HDAC2: variants seen among roughly 807,000 people sequenced by gnomAD.
The protein encoded by HDAC2 is YY1-associated factor 1.
Under a neutral mutation model 68.5 loss-of-function variants are expected in HDAC2, and 5 were observed. That is an observed-to-expected ratio of 0.07 (90% CI 0.04 to 0.15). HDAC2 has a LOEUF of 0.15. Among genes scored for constraint, HDAC2 ranks in the 10% least tolerant of loss-of-function variants. The pLI, the probability that HDAC2 is intolerant of heterozygous loss-of-function variation, is 1.00. For synonymous variants in HDAC2, 182 were observed against 191.3 expected, an observed-to-expected ratio of 0.95 and a Z score of 0.40; for missense variants, 291 against 600.8, an observed-to-expected ratio of 0.48 and a Z score of 5.39.
In HDAC2 at chr6:113,944,333, A is replaced by T. The variant is rs1440256628; in HGVS notation, c.1169T>A (p.Val390Asp). The stretch of plus-strand genomic sequence containing the variant: ...ATCTTCATCTCCACTGTCTTCATGA[A>T]CAGCATCTTCTGGAATAGCTTGCAT... Reference protein sequence around the residue: ...VQMQAIPEDAVHEDSGDEDGE... With the variant: ...VQMQAIPEDADHEDSGDEDGE... The change falls in exon 11 of 14, where the codon GTT becomes GAT. Residue 390 changes from valine to aspartate, a missense_variant. Coordinates refer to ENST00000519065, the MANE Select transcript of HDAC2 (RefSeq NM_001527.4). 1.2e-6 allele frequency: 2 copies of T among 1,613,130 alleles called. No homozygotes were observed. Among genetic ancestry groups the T allele is most frequent in the Non-Finnish European group, 1.7e-6 (2 of 1,179,100 alleles).
chr6:113,971,015 G>A lies in HDAC2; in HGVS notation c.-107C>T, dbSNP rs1042493518. Reference sequence around the variant, plus strand: ...GAGAAAAGGGCTGAGGGAAACGTGGGGGCGATAGTCCCGCGGGGAAGGGCA... The same window carrying A: ...GAGAAAAGGGCTGAGGGAAACGTGGAGGCGATAGTCCCGCGGGGAAGGGCA... On this transcript the variant is annotated 5_prime_UTR_variant, in exon 1 of 14. Coordinates refer to ENST00000519065, the MANE Select transcript of HDAC2 (RefSeq NM_001527.4). 3 of 1,577,178 alleles carry A rather than the reference G, an allele frequency of 1.9e-6. No individual in the cohort carries two copies. Among genetic ancestry groups the A allele is most frequent in the Non-Finnish European group, 2.6e-6 (3 of 1,160,946 alleles).
chr6:113,965,033 C>A (rs1372122971), intron 1 of HDAC2, among the ~76,000 whole-genome samples: 1 of 152,202 alleles, frequency 6.6e-6, no homozygotes, highest in African/African-American at 2.4e-5. Context: ...GTGTTCAATT[C>A]TTGCTTCCAG....
In HDAC2 at chr6:113,939,384, CA is replaced by C. The variant is rs1175554358; in HGVS notation, c.*1673del. ...GGGTGATGGGTCCACCAAAATCCCA[CA>C]AATCACCACTAAAGAACTTAATCAT... On this transcript the variant is annotated 3_prime_UTR_variant, in exon 14 of 14. Coordinates refer to ENST00000519065, the MANE Select transcript of HDAC2 (RefSeq NM_001527.4). 1 of 152,058 alleles carries C rather than the reference CA, an allele frequency of 6.6e-6. No individual in the cohort carries two copies. Among genetic ancestry groups the C allele is most frequent in the Admixed American group, 6.6e-5 (1 of 15,266 alleles). The allele number at this position is 152,058 out of a possible 1,614,324, so 9.4% of individuals were successfully genotyped here.
At chr6:113,952,268 T>C (rs534460145) in intron 6 of HDAC2, among the ~76,000 whole-genome samples, 3 of 152,262 alleles carry the variant, frequency 2.0e-5, no homozygotes, top group South Asian at 2.1e-4. Flanking sequence ...TGGCAAGGAA[T>C]TGAAATTACA....
Position 113,938,398 on chromosome 6 carries a change from A to T in HDAC2, c.*2660T>A, listed in dbSNP as rs970576450. 5.3e-5 allele frequency: 8 copies of T among 151,972 alleles called. No individual in the cohort carries two copies. The highest frequency in any genetic ancestry group is 1.7e-4 in the African/African-American group (7 of 41,368). The allele number at this position is 151,972 out of a possible 1,614,324, so 9.4% of individuals were successfully genotyped here. A position where few individuals can be genotyped will look rare whatever the true frequency, so the allele number is the denominator to read the frequency against. Reference sequence around the variant, plus strand: ...GTCATTTTTCTTGACTTGTCTTCTAAGTTTTTGTTGGTCCACTGAACTAAT... The same window carrying T: ...GTCATTTTTCTTGACTTGTCTTCTATGTTTTTGTTGGTCCACTGAACTAAT... On this transcript the variant is annotated 3_prime_UTR_variant, in exon 14 of 14. Transcript: ENST00000519065.
At chr6:113,962,778 A>G (rs957131840) in intron 1 of HDAC2, among the ~76,000 whole-genome samples, 1 of 151,520 alleles carries the variant, frequency 6.6e-6, no homozygotes, top group Admixed American at 6.6e-5. Flanking sequence ...CCTGACAAAC[A>G]TTGTGAAACC....
Position 113,933,815 on chromosome 6 carries a change from AT to A in HDAC2, c.*7242del, listed in dbSNP as rs1254312678. On this transcript the variant is annotated 3_prime_UTR_variant, in exon 14 of 14. Coordinates refer to ENST00000519065, the MANE Select transcript of HDAC2 (RefSeq NM_001527.4). Reference sequence around the variant, plus strand: ...CATATATACACATGTATATATATATATGTGTGTGTATACATATATATAGAAG... The same window carrying A: ...CATATATACACATGTATATATATATAGTGTGTGTATACATATATATAGAAG... 6.6e-6 allele frequency: 1 copy of A among 151,562 alleles called. No individual in the cohort carries two copies. The highest frequency in any genetic ancestry group is 6.6e-5 in the Admixed American group (1 of 15,212). The allele number at this position is 151,562 out of a possible 1,614,324, so 9.4% of individuals were successfully genotyped here. A position where few individuals can be genotyped will look rare whatever the true frequency, so the allele number is the denominator to read the frequency against.
At chr6:113,949,675 A>C (rs1214425026) in intron 6 of HDAC2, among the ~76,000 whole-genome samples, 1 of 152,262 alleles carries the variant, frequency 6.6e-6, no homozygotes, top group African/African-American at 2.4e-5. Context: ...AATCATCTGC[A>C]GAATCCTTCT....
chr6:113,945,822 T>C (rs1414008614), intron 9 of HDAC2, among the ~76,000 whole-genome samples, 186 bp downstream of exon 9: 1 of 152,226 alleles, frequency 6.6e-6, no homozygotes, highest in Non-Finnish European at 1.5e-5. Flanking sequence ...CTAACCTAAC[T>C]GTTCTGAGCA....
At chr6:113,967,826 T>TTGA (rs1462006500) in intron 1 of HDAC2, among the ~76,000 whole-genome samples, 1 of 152,224 alleles carries the variant, frequency 6.6e-6, no homozygotes, top group Non-Finnish European at 1.5e-5. Flanking sequence ...TTACAGATTC[T>TTGA]TGATGATCTT....
rs1775974750 is a variant in HDAC2, at chr6:113,935,075, T to G, written c.*5983A>C. Reference sequence around the variant, plus strand: ...ATACTGGTGAATGGTAGATCTCCCATCCTCATGCTTGGAGGGCTATTATCT... The same window carrying G: ...ATACTGGTGAATGGTAGATCTCCCAGCCTCATGCTTGGAGGGCTATTATCT... On this transcript the variant is annotated 3_prime_UTR_variant, in exon 14 of 14. Coordinates refer to ENST00000519065, the MANE Select transcript of HDAC2 (RefSeq NM_001527.4). The G allele has an allele frequency of 6.6e-6, 1 of 151,986 alleles. No individual in the cohort carries two copies. The highest frequency in any genetic ancestry group is 1.5e-5 in the Non-Finnish European group (1 of 67,982). The allele number at this position is 151,986 out of a possible 1,614,324, so 9.4% of individuals were successfully genotyped here.
At chr6:113,970,682 C>CG in intron 1 of HDAC2, 175 bp downstream of exon 1, 1 of 1,355,826 alleles carries the variant, frequency 7.4e-7, no homozygotes, top group Non-Finnish European at 9.4e-7. Flanking sequence ...GCGGGGGCTG[C>CG]GCCAGGAAGA....
At chr6:113,961,780 A>C (rs1776689292) in intron 1 of HDAC2, among the ~76,000 whole-genome samples, 1 of 152,256 alleles carries the variant, frequency 6.6e-6, no homozygotes, top group South Asian at 2.1e-4. Flanking sequence ...TCACTACTAA[A>C]GAAATCATTA....
rs1562146301 is a variant in HDAC2 at position 113,956,640 on chromosome 6, G to C, written c.337C>G (p.Leu113Val). ...TTACCAACTGAACCGCCAGTTGAGA[G>C]CTGACAAAACTCAAAGAGTCCATCA... ...VFDGLFEFCQ[L>V]STGGSVAGAV... Residue 113 changes from leucine (L) to valine (V), a missense_variant, in exon 4 of 14, where the codon CTC becomes GTC. Physicochemically the swap from Leu to Val is conservative, Grantham distance 32. Around this residue, in one of 2 missense-constraint regions of HDAC2, gnomAD observed 154 missense variants for 472.1 expected, o/e 0.33. Coordinates refer to ENST00000519065, the MANE Select transcript of HDAC2 (RefSeq NM_001527.4). The C allele has an allele frequency of 6.2e-7, 1 of 1,612,626 alleles. No individual in the cohort carries two copies. The highest frequency in any genetic ancestry group is 1.7e-5 in the Admixed American group (1 of 60,006).
intron 1 of HDAC2, chr6:113,962,262 A>G (rs538923451): frequency 1.0e-4 from 18 of 171,532 alleles, no homozygotes; most frequent in Non-Finnish European, 1.7e-4. Flanking sequence ...ATTATTGCCT[A>G]AGTCACATAG....
intron 1 of HDAC2, chr6:113,970,123 G>C (rs1776943893): frequency 6.6e-6 from 1 of 152,222 alleles, no homozygotes; most frequent in African/African-American, 2.4e-5. Context: ...CCTTCCATTT[G>C]AATCCTGAGA....
At chr6:113,970,394 T>C in intron 1 of HDAC2, 2 of 930,232 alleles carry the variant, frequency 2.2e-6, no homozygotes, top group Non-Finnish European at 2.6e-6. Context: ...CCGCGGGGCT[T>C]TGTGTAGAGT....
chr6:113,970,566 C>A (rs1464257319), intron 1 of HDAC2: 2 of 1,249,254 alleles, frequency 1.6e-6, no homozygotes, highest in Admixed American at 4.3e-5. Context: ...GGTAGGCCGG[C>A]GCCGTCCCCA....
chr6:113,966,376 C>T (rs952170568), intron 1 of HDAC2, among the ~76,000 whole-genome samples: 1 of 151,756 alleles, frequency 6.6e-6, no homozygotes, highest in African/African-American at 2.4e-5. Flanking sequence ...ATGGTAAAAC[C>T]CCCATCTCTA....
Sources: gnomAD v4.1 joint callset for allele counts (sites outside exome capture counted in the v4.1 genomes callset) on GRCh38, gnomAD v4.1.1 for gene constraint, gnomAD v4.1.1 regional missense constraint, MANE v1.5 for transcripts, NCBI Gene and HGNC (gene_info 2026-07-23, HGNC 2026-07-21) for gene names.